CDCA7L: variants seen among roughly 807,000 people sequenced by gnomAD.
The protein encoded by CDCA7L is cell division cycle associated 7 like.
CDCA7L carries 44 observed loss-of-function variants against 57.4 expected under a neutral mutation model. The observed-to-expected ratio is 0.77, with a 90% CI of 0.60 to 0.98. CDCA7L has a LOEUF of 0.98. Ranked by LOEUF, CDCA7L falls within the 50% of genes least tolerant of loss-of-function variation. CDCA7L has a pLI of 0.00. For synonymous variants in CDCA7L, 236 were observed against 202.8 expected (o/e 1.16, Z -1.39); for missense variants, 644 against 580.6 (o/e 1.11, Z -1.12).
At chr7:21,925,092 A>AAAAC (rs778455489) in intron 1 of CDCA7L, among the ~76,000 whole-genome samples, 118 of 152,302 alleles carry the variant, frequency 7.7e-4, no homozygotes, top group African/African-American at 2.7e-3. Context: ...TTCAGAAACA[A>AAAAC]AAACAAACAA....
chr7:21,932,747 G>A (rs1786053952), intron 1 of CDCA7L, among the ~76,000 whole-genome samples: 1 of 152,238 alleles, frequency 6.6e-6, no homozygotes, highest in African/African-American at 2.4e-5. Flanking sequence ...CAGGGGCAAG[G>A]ACTTCATGAC....
rs1784801762 is a variant in CDCA7L, at chr7:21,901,134, G to A, written c.*1188C>T. 6.2e-7 allele frequency: 1 copy of A among 1,613,176 alleles called. No individual in the cohort carries two copies. The highest frequency in any genetic ancestry group is 1.3e-5 in the African/African-American group (1 of 74,864). ...GACAAGAAACCAAACAGACCTACGA[G>A]TGCCCTGTGTATAGAACCAAACTGA... On this transcript the variant is annotated 3_prime_UTR_variant, in exon 10 of 10. Coordinates refer to ENST00000406877, the MANE Select transcript of CDCA7L (RefSeq NM_018719.5).
chr7:21,910,314 G>C (rs1388152333), intron 3 of CDCA7L, among the ~76,000 whole-genome samples: 2 of 152,324 alleles, frequency 1.3e-5, no homozygotes, highest in East Asian at 1.9e-4. Context: ...CACACAAACA[G>C]CTTCTGCAAA....
chr7:21,918,805 G>C (rs1785567830), intron 1 of CDCA7L, among the ~76,000 whole-genome samples: 1 of 152,114 alleles, frequency 6.6e-6, no homozygotes, highest in African/African-American at 2.4e-5. Context: ...GGTGGAATCA[G>C]CCTGATTTGT....
Position 21,903,080 on chromosome 7 carries a change from T to C in CDCA7L, c.1232A>G (p.Asn411Ser), listed in dbSNP as rs1465264468. The change falls in exon 9 of 10, where the codon AAT becomes AGT. Residue 411 changes from asparagine to serine, a missense_variant. Physicochemically the swap from Asn to Ser is conservative, Grantham distance 46. Transcript: ENST00000406877. ...GTCACGCTTCCGACAGTAGCTGCAA[T>C]TGCAGATCCCACGACAGGGGGGACA... ...WVCPPCRGIC[N>S]CSYCRKRDGR... The C allele has an allele frequency of 3.1e-6, 5 of 1,613,936 alleles. No individual in the cohort carries two copies. The highest frequency in any genetic ancestry group is 1.3e-5 in the African/African-American group (1 of 74,926).
chr7:21,931,764 C>G (rs945166553), intron 1 of CDCA7L, among the ~76,000 whole-genome samples: 2 of 151,882 alleles, frequency 1.3e-5, no homozygotes, highest in Non-Finnish European at 1.5e-5. Flanking sequence ...CATTCTGATT[C>G]TTCCTATCCG....
chr7:21,940,382 C>T, intron 1 of CDCA7L: 6 of 801,776 alleles, frequency 7.5e-6, no homozygotes, highest in Non-Finnish European at 9.1e-6. Context: ...ACTACTTTGC[C>T]CTTCCATCCA....
At position 21,901,314 on chromosome 7, in the gene CDCA7L, G is replaced by A; in HGVS notation, c.*1008C>T. 6.6e-7 allele frequency: 1 copy of A among 1,525,156 alleles called. No homozygotes were observed. The highest frequency in any genetic ancestry group is 2.1e-5 in the Admixed American group (1 of 48,392). 94.5% of individuals were successfully genotyped at this position (1,525,156 alleles called of 1,614,324 possible). On this transcript the variant is annotated 3_prime_UTR_variant, in exon 10 of 10. Coordinates refer to ENST00000406877, the MANE Select transcript of CDCA7L (RefSeq NM_018719.5). ...TGCAGTGAGGATTTTCTAGCATGTT[G>A]CTGCACTGTTCCCATGCACATTATT...
chr7:21,930,734 C>T (rs368230044), intron 1 of CDCA7L, among the ~76,000 whole-genome samples: 5 of 143,364 alleles, frequency 3.5e-5, no homozygotes, highest in East Asian at 2.0e-4. Flanking sequence ...GAACTAGAGA[C>T]GCAAGAGCCA....
In CDCA7L at chr7:21,911,725, G is replaced by A. The variant is rs1785334219; in HGVS notation, c.195C>T (p.Phe65=). ...TAAAAATTCTTCTTAGCTCTTCTGT[G>A]AAGTATTTGGAATGAAAGCGCACAT... ...QQDVRFHSKY[F]TEELRRIFIE... is the part of the protein sequence containing the mutation. Residue 65 remains phenylalanine, a synonymous_variant, in exon 3 of 10, where the codon TTC becomes TTT. Transcript: ENST00000406877. 3.1e-6 allele frequency: 5 copies of A among 1,613,078 alleles called. No homozygotes were observed. The East Asian group carries it at 6.7e-5, about 22-fold the overall frequency.
intron 1 of CDCA7L, among the ~76,000 whole-genome samples, chr7:21,930,850 T>C (rs140818714): frequency 9.9e-4 from 150 of 150,948 alleles, no homozygotes; most frequent in Middle Eastern, 3.4e-3. Flanking sequence ...AATCCAGGAG[T>C]TGGTTTTTTG....
chr7:21,902,221 A>ATAAAAACACAAC lies in CDCA7L; in HGVS notation c.*89_*100dup, dbSNP rs1784920029. On this transcript the variant is annotated 3_prime_UTR_variant, in exon 10 of 10. Transcript: ENST00000406877. ...AGTAATTTCTACAAAGAATTTCTGT[A>ATAAAAACACAAC]TAAAAACACAACTGTAAAAAAATCT... 9.1e-7 allele frequency: 1 copy of ATAAAAACACAAC among 1,102,040 alleles called. No individual in the cohort carries two copies. The highest frequency in any genetic ancestry group is 1.7e-5 in the African/African-American group (1 of 59,694). 68.3% of individuals were successfully genotyped at this position (1,102,040 alleles called of 1,614,324 possible).
intron 6 of CDCA7L, among the ~76,000 whole-genome samples, chr7:21,905,984 G>A (rs902941994): frequency 6.6e-6 from 1 of 152,214 alleles, no homozygotes; most frequent in Non-Finnish European, 1.5e-5. Flanking sequence ...AGGCAAGGAG[G>A]AATCACTGCA....
In CDCA7L at chr7:21,940,857, G is replaced by C. The variant is rs149878926; in HGVS notation, c.24+4924C>G. Among the ~76,000 whole-genome samples, 284 of 152,260 alleles carry C rather than the reference G, an allele frequency of 1.9e-3. 1 individual carries two copies. The highest frequency in any genetic ancestry group is 6.3e-3 in the African/African-American group (263 of 41,546). On this transcript the variant is annotated intron_variant, in intron 1 of 9. Transcript: ENST00000406877. Reference sequence around the variant, plus strand: ...ATTTATAGGTTTTCTTGGTTTTCTAGGCAGACCGGATGTAAAGAACAGATT... The same window carrying C: ...ATTTATAGGTTTTCTTGGTTTTCTACGCAGACCGGATGTAAAGAACAGATT...
intron 1 of CDCA7L, 117 bp from the exon 2 acceptor site, chr7:21,917,011 G>C (rs958990192): frequency 8.8e-7 from 1 of 1,138,066 alleles, no homozygotes; most frequent in African/African-American, 1.5e-5. Context: ...CGGTTGCCCA[G>C]AAGTCCCCAG....
At chr7:21,905,400 G>T in intron 7 of CDCA7L, 106 bp downstream of exon 7, 2 of 1,274,888 alleles carry the variant, frequency 1.6e-6, no homozygotes, top group Non-Finnish European at 2.2e-6. Flanking sequence ...CTGGCTCTGA[G>T]CCCTTGGTGA....
chr7:21,921,581 A>C (rs539518301), intron 1 of CDCA7L, among the ~76,000 whole-genome samples: 4 of 151,856 alleles, frequency 2.6e-5, no homozygotes, highest in Admixed American at 2.6e-4. Flanking sequence ...AGTCTAGACA[A>C]AAATGCAAGA....
At chr7:21,917,945 T>C (rs1785536768) in intron 1 of CDCA7L, among the ~76,000 whole-genome samples, 1 of 75,980 alleles carries the variant, frequency 1.3e-5, no homozygotes, top group African/African-American at 8.3e-5. Flanking sequence ...TATCTGCAAC[T>C]GTTCTATTTG....
At position 21,901,804 on chromosome 7, in the gene CDCA7L, C is replaced by CAAGTT. The variant is rs1784881267; in HGVS notation, c.*513_*517dup. On this transcript the variant is annotated 3_prime_UTR_variant, in exon 10 of 10. Coordinates refer to ENST00000406877, the MANE Select transcript of CDCA7L (RefSeq NM_018719.5). ...TGTTGATGGTCCCCTTTTGTTCAGT[C>CAAGTT]AAGTTTTAATAAAAATAAAACTGTT... 2 of 164,232 alleles carry CAAGTT rather than the reference C, an allele frequency of 1.2e-5. No individual in the cohort carries two copies. Among genetic ancestry groups the CAAGTT allele is most frequent in the Non-Finnish European group, 1.3e-5 (1 of 74,520 alleles). The allele number at this position is 164,232 out of a possible 1,614,324, so 10.2% of individuals were successfully genotyped here.
Sources: allele counts gnomAD v4.1 joint callset (sites outside exome capture counted in the v4.1 genomes callset), GRCh38; gene constraint gnomAD v4.1.1; transcripts MANE v1.5; gene names NCBI Gene and HGNC (gene_info 2026-07-23, HGNC 2026-07-21).